The following DNAH12 variants were observed in gnomAD, a reference collection of about 807,000 sequenced individuals.
DNAH12 encodes axonemal beta dynein heavy chain 12.
Under a neutral mutation model 371.5 loss-of-function variants are expected in DNAH12, and 285 were observed. That is an observed-to-expected ratio of 0.77 (90% CI 0.70 to 0.85). The LOEUF (loss-of-function observed/expected upper bound fraction) is 0.85, where lower values mean the gene tolerates loss of function less well. DNAH12 is among the 40% of genes least tolerant of loss of function. DNAH12 has a pLI of 0.00. For missense variants in DNAH12, 3,611 were observed against 3,689.4 expected (o/e 0.98, Z 0.55); for synonymous variants, 1,200 against 1,213.0 (o/e 0.99, Z 0.22).
intron 25 of DNAH12, among the ~76,000 whole-genome samples, chr3:57,448,564 T>C (rs1412453565): frequency 2.0e-5 from 3 of 152,194 alleles, no homozygotes; most frequent in Admixed American, 1.3e-4. Context: ...CAAGATTTAT[T>C]GCAAAAAGCA....
At chr3:57,336,125 G>A (rs1203631837) in intron 60 of DNAH12, among the ~76,000 whole-genome samples, 1 of 152,154 alleles carries the variant, frequency 6.6e-6, no homozygotes, top group Non-Finnish European at 1.5e-5. Context: ...GAGATTAGAG[G>A]TGTGGGCCAC....
rs117321653 is a variant in DNAH12 at position 57,506,041 on chromosome 3, C to G, written c.897+1602G>C. On this transcript the variant is annotated intron_variant, in intron 8 of 73. Coordinates refer to ENST00000495027, the MANE Select transcript of DNAH12 (RefSeq NM_001366028.2). Reference sequence around the variant, plus strand: ...GATTACAGGCGTGAGCCACCACACCCAGCCAAACCTTAATTTTTTAATAGA... The same window carrying G: ...GATTACAGGCGTGAGCCACCACACCGAGCCAAACCTTAATTTTTTAATAGA... 2.1e-4 allele frequency among the ~76,000 whole-genome samples: 32 copies of G among 152,278 alleles called. No homozygotes were observed. The East Asian group carries it at 6.2e-3, about 29-fold the overall frequency.
intron 17 of DNAH12, among the ~76,000 whole-genome samples, chr3:57,463,952 GA>G (rs1311322810): frequency 6.6e-6 from 1 of 151,844 alleles, no homozygotes; most frequent in East Asian, 2.0e-4. Flanking sequence ...ACACAAAAGT[GA>G]AAAAACTCCA....
intron 39 of DNAH12, among the ~76,000 whole-genome samples, chr3:57,410,130 C>G (rs771469073): frequency 2.6e-5 from 4 of 152,088 alleles, no homozygotes; most frequent in Admixed American, 6.6e-5. Context: ...CAGGCATACC[C>G]CATTTTATTT....
At position 57,405,961 on chromosome 3, in the gene DNAH12, G is replaced by GA. The variant is rs782007913; in HGVS notation, c.6277-10dup. 6.6e-7 allele frequency: 1 copy of GA among 1,526,606 alleles called. No individual in the cohort carries two copies. The highest frequency in any genetic ancestry group is 1.2e-5 in the South Asian group (1 of 82,088). The allele number at this position is 1,526,606 out of a possible 1,614,324, so 94.6% of individuals were successfully genotyped here. On this transcript the variant is annotated splice_polypyrimidine_tract_variant and intron_variant, in intron 40 of 73. Coordinates refer to ENST00000495027, the MANE Select transcript of DNAH12 (RefSeq NM_001366028.2). The stretch of plus-strand genomic sequence containing the variant: ...ACAGATTGTTTATATATCTGAATAT[G>GA]AAAAAAGCAACAAAGCAAAAATAAA...
At chr3:57,448,362 G>A (rs1003013282) in intron 25 of DNAH12, among the ~76,000 whole-genome samples, 6 of 152,016 alleles carry the variant, frequency 3.9e-5, no homozygotes, top group African/African-American at 1.4e-4. Context: ...ATTCCTCCTG[G>A]TGGGCTCGTG....
chr3:57,413,968 ATACT>A, intron 38 of DNAH12, 56 bp from the exon 39 acceptor site: 1 of 1,498,816 alleles, frequency 6.7e-7, no homozygotes, highest in Admixed American at 2.3e-5. Flanking sequence ...GGGATTTATC[ATACT>A]TATATTAAAT....
In DNAH12 at chr3:57,327,139, T is replaced by C. The variant is rs931290728; in HGVS notation, c.9979-3520A>G. On this transcript the variant is annotated intron_variant, in intron 62 of 73. Transcript: ENST00000495027. ...GACTTTAACACCCCACTGTCAACAT[T>C]AGACAGATCAACGAGACAGAAAGTC... Among the ~76,000 whole-genome samples the C allele has an allele frequency of 4.6e-5, 7 of 151,958 alleles. No homozygotes were observed. The South Asian group carries it at 1.5e-3, about 32-fold the overall frequency.
intron 34 of DNAH12, chr3:57,428,190 C>T (rs373905200): frequency 7.7e-6 from 3 of 388,868 alleles, no homozygotes; most frequent in African/African-American, 4.5e-5. Flanking sequence ...CAGCTTCCCA[C>T]AGTGTGCTGG....
the DNAH12 span, among the ~76,000 whole-genome samples, chr3:57,551,480 C>A: frequency 1.3e-5 from 2 of 151,878 alleles, no homozygotes; most frequent in East Asian, 1.9e-4. Context: ...GCCGTGTTAG[C>A]CAGGATGGTC....
intron 39 of DNAH12, 38 bp downstream of exon 39, chr3:57,413,708 G>T: frequency 6.6e-7 from 1 of 1,519,580 alleles, no homozygotes. Context: ...AAAAACTGAG[G>T]TATAACTTCA....
intron 32 of DNAH12, among the ~76,000 whole-genome samples, chr3:57,431,894 C>T (rs185830142): frequency 8.6e-4 from 131 of 152,248 alleles, no homozygotes; most frequent in African/African-American, 2.9e-3. Flanking sequence ...CATCACTTCA[C>T]GAAGAAAAGA....
At chr3:57,487,288 A>AAAGGAAGG (rs148766578) in intron 12 of DNAH12, among the ~76,000 whole-genome samples, 70,133 of 110,190 alleles carry the variant, frequency 0.64, 23,376 homozygotes, top group South Asian at 0.73. Context: ...AAGAAGGAAG[A>AAAGGAAGG]AAGGAAGGAA....
intron 60 of DNAH12, among the ~76,000 whole-genome samples, chr3:57,337,680 GTA>G (rs148163503): frequency 6.6e-6 from 1 of 150,648 alleles, no homozygotes. Context: ...ATATATGTGT[GTA>G]TATATATATA....
chr3:57,369,357 A>T (rs913289499), intron 55 of DNAH12, among the ~76,000 whole-genome samples: 363 of 18,820 alleles, frequency 0.019, no homozygotes, highest in Non-Finnish European at 0.035. Context: ...TAAATAAATA[A>T]ATAAATATAT....
chr3:57,432,124 G>A (rs1175903227), intron 32 of DNAH12, among the ~76,000 whole-genome samples: 1 of 146,122 alleles, frequency 6.8e-6, no homozygotes, highest in Non-Finnish European at 1.5e-5. Flanking sequence ...ATGAAAGAAG[G>A]AATGTGAATG....
rs1335752008 is a variant in DNAH12 at position 57,381,236 on chromosome 3, G to GGTGT, written c.7993-873_7993-870dup. Among the ~76,000 whole-genome samples, 804 of 149,348 alleles carry GGTGT rather than the reference G, an allele frequency of 5.4e-3. 6 individuals carry two copies. The highest frequency in any genetic ancestry group is 0.015 in the African/African-American group (591 of 40,586). On this transcript the variant is annotated intron_variant, in intron 50 of 73. Transcript: ENST00000495027. Reference sequence around the variant, plus strand: ...TCTACTTCCGGAAGCCTGATAGGGAGGTGTGTGTGTGTGTGTGTGTGTGTG... The same window carrying GGTGT: ...TCTACTTCCGGAAGCCTGATAGGGAGGTGTGTGTGTGTGTGTGTGTGTGTGTGTG...
intron 2 of DNAH12, among the ~76,000 whole-genome samples, chr3:57,525,388 C>T (rs2153398678): frequency 2.0e-5 from 3 of 152,178 alleles, no homozygotes; most frequent in Middle Eastern, 3.4e-3. Context: ...TGGTACCTTA[C>T]CTAATAGATG....
chr3:57,293,977 A>G lies in DNAH12; in HGVS notation c.11693-6T>C. ...TATAATCCGAGATTTTTGAGCTTGAAAAAAAAAAAGAAATATATTCACTTG... is the reference window on the plus strand; with the variant it reads ...TATAATCCGAGATTTTTGAGCTTGAGAAAAAAAAAGAAATATATTCACTTG... On this transcript the variant is annotated splice_region_variant and splice_polypyrimidine_tract_variant and intron_variant, in intron 73 of 73. Coordinates refer to ENST00000495027, the MANE Select transcript of DNAH12 (RefSeq NM_001366028.2). 1 of 1,397,104 alleles carries G rather than the reference A, an allele frequency of 7.2e-7. No homozygotes were observed. The highest frequency in any genetic ancestry group is 1.6e-5 in the South Asian group (1 of 61,536). The allele number at this position is 1,397,104 out of a possible 1,614,324, so 86.5% of individuals were successfully genotyped here. A position where few individuals can be genotyped will look rare whatever the true frequency, so the allele number is the denominator to read the frequency against.
Sources: gnomAD v4.1 joint callset for allele counts (sites outside exome capture counted in the v4.1 genomes callset) on GRCh38, gnomAD v4.1.1 for gene constraint, MANE v1.5 for transcripts, NCBI Gene and HGNC (gene_info 2026-07-23, HGNC 2026-07-21) for gene names.